The following SRRM4 variants were observed in gnomAD, a reference collection of about 807,000 sequenced individuals.
The protein encoded by SRRM4 is serine/arginine repetitive matrix protein 4.
Under a neutral mutation model 68.9 loss-of-function variants are expected in SRRM4, and 33 were observed. The observed-to-expected ratio is 0.48, with a 90% CI of 0.36 to 0.64. The LOEUF is 0.64. Among genes scored for constraint, SRRM4 ranks in the 30% least tolerant of loss-of-function variants. SRRM4 has a pLI of 0.00. For synonymous variants in SRRM4, 318 were observed against 318.8 expected, an observed-to-expected ratio of 1.00 and a Z score of 0.03; for missense variants, 817 against 827.1, an observed-to-expected ratio of 0.99 and a Z score of 0.15.
intron 1 of SRRM4, among the ~76,000 whole-genome samples, chr12:118,991,963 C>A (rs939864347): frequency 6.6e-6 from 1 of 152,156 alleles, no homozygotes; most frequent in Non-Finnish European, 1.5e-5. Context: ...TCATTTTACA[C>A]GTGGAGGGCT....
chr12:119,096,079 G>A (rs1286620633), intron 1 of SRRM4, among the ~76,000 whole-genome samples: 3 of 151,318 alleles, frequency 2.0e-5, no homozygotes, highest in Non-Finnish European at 4.4e-5. Context: ...GGAGTGCAGT[G>A]GCGCGATCTC....
At chr12:119,118,344 C>G (rs117021199) in intron 4 of SRRM4, among the ~76,000 whole-genome samples, 135 of 152,368 alleles carry the variant, frequency 8.9e-4, no homozygotes, top group South Asian at 1.7e-3. Flanking sequence ...CAATTAACAA[C>G]AGAATGAATG....
intron 2 of SRRM4, among the ~76,000 whole-genome samples, chr12:119,113,271 G>A (rs935900572): frequency 2.0e-5 from 3 of 152,132 alleles, no homozygotes; most frequent in Admixed American, 2.0e-4. Flanking sequence ...ATAAAAAGTT[G>A]GGTAATTTCC....
chr12:118,988,404 G>A (rs936834974), intron 1 of SRRM4, among the ~76,000 whole-genome samples: 4 of 152,326 alleles, frequency 2.6e-5, no homozygotes, highest in East Asian at 1.9e-4. Flanking sequence ...GAGGGGAGCC[G>A]TGGAAGGGAG....
At position 119,070,268 on chromosome 12, in the gene SRRM4, G is replaced by A. The variant is rs79262581; in HGVS notation, c.132-31968G>A. On this transcript the variant is annotated intron_variant, in intron 1 of 12. Coordinates refer to ENST00000267260, the MANE Select transcript of SRRM4 (RefSeq NM_194286.4). ...TTTTACCTGTCCACTAAATGAACAG[G>A]CCTTTCAAGCATACGTTCATTCAAT... is the stretch of plus-strand genomic sequence containing the variant. 4.7e-3 allele frequency among the ~76,000 whole-genome samples: 710 copies of A among 151,756 alleles called. 1 individual carries two copies. The highest frequency in any genetic ancestry group is 0.015 in the African/African-American group (617 of 41,364).
intron 1 of SRRM4, among the ~76,000 whole-genome samples, chr12:119,039,447 T>G (rs1444812419): frequency 6.6e-6 from 1 of 151,186 alleles, no homozygotes; most frequent in Non-Finnish European, 1.5e-5. Flanking sequence ...TTCACATTTT[T>G]CCACTAGCAT....
At chr12:119,024,013 C>T (rs1953532065) in intron 1 of SRRM4, among the ~76,000 whole-genome samples, 1 of 152,190 alleles carries the variant, frequency 6.6e-6, no homozygotes, top group Admixed American at 6.5e-5. Context: ...CTTGGCTTTT[C>T]TGCATGTTAC....
intron 4 of SRRM4, 107 bp downstream of exon 4, chr12:119,117,115 C>A: frequency 1.1e-6 from 1 of 924,260 alleles, no homozygotes. Context: ...TTATGTAAAA[C>A]AATTATCTAT....
At chr12:118,982,124 C>G in intron 1 of SRRM4, 111 bp downstream of exon 1, 2 of 1,338,764 alleles carry the variant, frequency 1.5e-6, no homozygotes, top group South Asian at 3.0e-5. Context: ...CCTGTCTTTT[C>G]CCGTCACTAC....
intron 1 of SRRM4, among the ~76,000 whole-genome samples, chr12:119,062,590 C>CT (rs1422710155): frequency 6.6e-6 from 1 of 152,124 alleles, no homozygotes; most frequent in Non-Finnish European, 1.5e-5. Flanking sequence ...ACTTTTTAAA[C>CT]TTTTTTCAGC....
intron 2 of SRRM4, among the ~76,000 whole-genome samples, chr12:119,112,567 A>G (rs112226503): frequency 0.026 from 3,925 of 152,334 alleles, 171 homozygotes; most frequent in African/African-American, 0.09. Context: ...CATCAATGAT[A>G]GGCTGGATAA....
At chr12:119,126,693 G>C (rs1048549182) in intron 7 of SRRM4, among the ~76,000 whole-genome samples, 4 of 152,196 alleles carry the variant, frequency 2.6e-5, no homozygotes, top group African/African-American at 9.7e-5. Context: ...GGAAGGGAAG[G>C]AGAAGAGCAA....
At chr12:119,027,296 C>T (rs1317432863) in intron 1 of SRRM4, among the ~76,000 whole-genome samples, 1 of 152,196 alleles carries the variant, frequency 6.6e-6, no homozygotes, top group African/African-American at 2.4e-5. Flanking sequence ...TGTTTCTAAA[C>T]TCATATAAAG....
chr12:119,076,088 A>G (rs1203864148), intron 1 of SRRM4, among the ~76,000 whole-genome samples: 1 of 151,986 alleles, frequency 6.6e-6, no homozygotes, highest in Admixed American at 6.6e-5. Flanking sequence ...AATAATAATG[A>G]TGGTGACGAT....
At chr12:119,003,650 T>C (rs1447773276) in intron 1 of SRRM4, among the ~76,000 whole-genome samples, 1 of 151,848 alleles carries the variant, frequency 6.6e-6, no homozygotes. Flanking sequence ...ACCCTCCCAA[T>C]GGGCAGCAGA....
chr12:119,126,467 A>T (rs1458074812), intron 7 of SRRM4, among the ~76,000 whole-genome samples: 1 of 152,226 alleles, frequency 6.6e-6, no homozygotes, highest in Admixed American at 6.5e-5. Flanking sequence ...ACTAAGTGAC[A>T]GTTAGGATTG....
In SRRM4 at chr12:119,013,669, C is replaced by T. The variant is rs1353451113; in HGVS notation, c.131+31656C>T. Among the ~76,000 whole-genome samples, 5 of 151,988 alleles carry T rather than the reference C, an allele frequency of 3.3e-5. No homozygotes were observed. In the East Asian group the frequency reaches 9.7e-4, roughly 29 times the overall value. ...ATATATGACTGCATTTAGAACTACC[C>T]TGTTATTTTTTTAATGGCTGCATTA... On this transcript the variant is annotated intron_variant, in intron 1 of 12. Transcript: ENST00000267260.
intron 1 of SRRM4, among the ~76,000 whole-genome samples, chr12:119,048,786 A>G (rs1470267922): frequency 1.3e-5 from 2 of 152,160 alleles, no homozygotes; most frequent in Admixed American, 1.3e-4. Flanking sequence ...TTAGTCTGGC[A>G]TGGTAGCACT....
chr12:119,010,384 G>A (rs7133570), intron 1 of SRRM4, among the ~76,000 whole-genome samples: 42,314 of 152,060 alleles, frequency 0.28, 6,150 homozygotes, highest in Non-Finnish European at 0.31. Flanking sequence ...GAATCATTGC[G>A]AACCCCACAT....
Sources: allele counts gnomAD v4.1 joint callset (sites outside exome capture counted in the v4.1 genomes callset), GRCh38; gene constraint gnomAD v4.1.1; transcripts MANE v1.5; gene names NCBI Gene and HGNC (gene_info 2026-07-23, HGNC 2026-07-21).